The following TACC2 variants were observed in gnomAD, a reference collection of about 807,000 sequenced individuals.
TACC2 encodes transforming acidic coiled-coil containing protein 2.
Under a neutral mutation model 227.3 loss-of-function variants are expected in TACC2, and 137 were observed. The observed-to-expected ratio is 0.60, with a 90% confidence interval of 0.52 to 0.69. The LOEUF is 0.69. Ranked by LOEUF, TACC2 falls within the 30% of genes least tolerant of loss-of-function variation. The pLI is 0.00. For missense variants in TACC2, 3,470 were observed against 3,694.4 expected (o/e 0.94, Z 1.57); for synonymous variants, 1,523 against 1,487.5 (o/e 1.02, Z -0.55).
At chr10:122,236,263 T>G (rs2095854996) in intron 16 of TACC2, among the ~76,000 whole-genome samples, 1 of 152,146 alleles carries the variant, frequency 6.6e-6, no homozygotes, top group Non-Finnish European at 1.5e-5. Flanking sequence ...TCATTATTCT[T>G]TCCCCAAATC....
intron 10 of TACC2, among the ~76,000 whole-genome samples, chr10:122,215,779 A>AT (rs1307384746): frequency 6.6e-6 from 1 of 152,230 alleles, no homozygotes; most frequent in Non-Finnish European, 1.5e-5. Flanking sequence ...AGATGAACAA[A>AT]TATGCAGTGA....
At position 122,194,465 on chromosome 10, in the gene TACC2, TTCACCCAC is replaced by T. The variant is rs1028654556; in HGVS notation, c.5835-571_5835-564del. 1.6e-4 allele frequency among the ~76,000 whole-genome samples: 24 copies of T among 152,316 alleles called. No homozygotes were observed. Among genetic ancestry groups the T allele is most frequent in the African/African-American group, 5.3e-4 (22 of 41,580 alleles). On this transcript the variant is annotated intron_variant, in intron 7 of 22. Coordinates refer to ENST00000369005, the MANE Select transcript of TACC2 (RefSeq NM_206862.4). The surrounding 1 kb of genome is among the most constrained non-coding windows in gnomAD (Gnocchi z 4.4). ...TTGCTGGCTTCCTTCGTTCACTCCA[TTCACCCAC>T]TCAACACATGTTCATTCCCGGCCCT... is the stretch of plus-strand genomic sequence containing the variant.
In TACC2 at chr10:122,241,323, G is replaced by A. The variant is rs1270681080; in HGVS notation, c.8349-635G>A. 2.6e-5 allele frequency among the ~76,000 whole-genome samples: 4 copies of A among 152,128 alleles called. No homozygotes were observed. The East Asian group carries it at 7.7e-4, about 29-fold the overall frequency. On this transcript the variant is annotated intron_variant, in intron 18 of 22. Transcript: ENST00000369005. ...TAAATTTTTTTAGAGATGGAATCTC[G>A]CTCTGTTGCCCACGCTGGAGTACAG... is the stretch of plus-strand genomic sequence containing the variant.
Position 122,050,932 on chromosome 10 carries a change from C to T in TACC2, c.146+382C>T, listed in dbSNP as rs138077810. ...TGTGGTGGCCATTGCGGGCACTGGA[C>T]CATGAAACAGAGGACTGAGAACACA... On this transcript the variant is annotated intron_variant, in intron 3 of 22. Coordinates refer to ENST00000369005, the MANE Select transcript of TACC2 (RefSeq NM_206862.4). The surrounding 1 kb of genome is among the most constrained non-coding windows in gnomAD (Gnocchi z 4.6). 3,057 of 183,242 alleles carry T rather than the reference C, an allele frequency of 0.017. 33 individuals are homozygous for T. Among genetic ancestry groups the T allele is most frequent in the African/African-American group, 0.028 (1,187 of 42,352 alleles). 11.4% of individuals were successfully genotyped at this position (183,242 alleles called of 1,614,324 possible).
At position 122,210,158 on chromosome 10, in the gene TACC2, C is replaced by T. The variant is rs373111636; in HGVS notation, c.5972-239C>T. The T allele has an allele frequency of 1.1e-4, 66 of 577,222 alleles. No individual in the cohort carries two copies. In the African/African-American group the frequency reaches 1.2e-3, roughly 10 times the overall value. The allele number at this position is 577,222 out of a possible 1,614,324, so 35.8% of individuals were successfully genotyped here. On this transcript the variant is annotated intron_variant, in intron 8 of 22. Transcript: ENST00000369005. This position sits in a 1 kb window ranked among gnomAD's most constrained non-coding sequence, Gnocchi z 4.6. ...TGAATACTCTGAGCTGTTCTTTAAT[C>T]GGTCCTCATGATCCTCATTGTACAG...
chr10:122,052,162 G>A (rs574830478), intron 3 of TACC2: 8 of 152,256 alleles, frequency 5.3e-5, no homozygotes, highest in African/African-American at 1.9e-4. Context: ...ACTAGTGAAT[G>A]CATTTGTCTT....
intron 8 of TACC2, among the ~76,000 whole-genome samples, chr10:122,203,090 T>C (rs2094933250): frequency 6.6e-6 from 1 of 152,208 alleles, no homozygotes; most frequent in South Asian, 2.1e-4. Flanking sequence ...CCATCCGATT[T>C]CTCAATCTTT....
At chr10:122,191,205 A>G (rs530693580) in intron 7 of TACC2, among the ~76,000 whole-genome samples, 1 of 151,804 alleles carries the variant, frequency 6.6e-6, no homozygotes, top group South Asian at 2.1e-4. Context: ...GCAGTCTCAA[A>G]CTCCTGGACG....
intron 1 of TACC2, among the ~76,000 whole-genome samples, chr10:122,007,646 G>T (rs1303380441): frequency 1.3e-5 from 2 of 152,168 alleles, no homozygotes; most frequent in African/African-American, 4.8e-5. Flanking sequence ...TTAGGGTGAA[G>T]TTCAAGAACG....
intron 1 of TACC2, among the ~76,000 whole-genome samples, chr10:122,015,227 C>T (rs942094410): frequency 8.6e-5 from 13 of 152,014 alleles, no homozygotes; most frequent in East Asian, 1.9e-4. Flanking sequence ...AATGTTGGCC[C>T]GGCACGGTGG....
intron 2 of TACC2, 163 bp downstream of exon 2, chr10:122,022,177 T>A: frequency 1.6e-6 from 1 of 628,378 alleles, no homozygotes. Context: ...ATTTTTCATT[T>A]CATTGGAATT....
chr10:122,095,370 G>T (rs1206979691), intron 5 of TACC2, among the ~76,000 whole-genome samples: 1 of 152,170 alleles, frequency 6.6e-6, no homozygotes, highest in African/African-American at 2.4e-5. Context: ...GTAAAATGGA[G>T]CAAATAGTAC....
At chr10:121,990,162 G>A (rs184282649) in intron 1 of TACC2, among the ~76,000 whole-genome samples, 1 of 151,966 alleles carries the variant, frequency 6.6e-6, no homozygotes, top group African/African-American at 2.4e-5. Context: ...CCAGGCTGGA[G>A]TGCAGTGGCA....
chr10:122,050,528 C>G lies in TACC2; in HGVS notation c.124C>G (p.Pro42Ala). The change falls in exon 3 of 23, where the codon CCT (proline) becomes GCT (alanine). Residue 42 changes from proline to alanine, a missense_variant. By Grantham distance (27) the Pro-to-Ala change is conservative. Coordinates refer to ENST00000369005, the MANE Select transcript of TACC2 (RefSeq NM_206862.4). This position sits in a 1 kb window ranked among gnomAD's most constrained non-coding sequence, Gnocchi z 4.6. The stretch of plus-strand genomic sequence containing the variant: ...GAAGCAGCAGGACACGCCCGGAAGC[C>G]CTGACCACAGAGACGCGTCCAGGTA... ...KRKQQDTPGS[P>A]DHRDASSIGS... is the part of the protein sequence containing the mutation. The G allele has an allele frequency of 6.2e-7, 1 of 1,613,994 alleles. No individual in the cohort carries two copies. Among genetic ancestry groups the G allele is most frequent in the Non-Finnish European group, 8.5e-7 (1 of 1,179,996 alleles).
chr10:122,210,208 G>A lies in TACC2; in HGVS notation c.5972-189G>A, dbSNP rs878930419. ...GATGAGGGAACTCTGGGCGAACCTG[G>A]CCTGGGTCTTGAGCTAATTACGGGT... On this transcript the variant is annotated intron_variant, in intron 8 of 22. Transcript: ENST00000369005. This position sits in a 1 kb window ranked among gnomAD's most constrained non-coding sequence, Gnocchi z 4.6. 1.1e-4 allele frequency: 71 copies of A among 619,446 alleles called. No homozygotes were observed. In the East Asian group the frequency reaches 1.8e-3, roughly 16 times the overall value. 38.4% of individuals were successfully genotyped at this position (619,446 alleles called of 1,614,324 possible). A position where few individuals can be genotyped will look rare whatever the true frequency, so the allele number is the denominator to read the frequency against.
At chr10:122,147,448 T>G (rs533430147) in intron 7 of TACC2, among the ~76,000 whole-genome samples, 5 of 152,232 alleles carry the variant, frequency 3.3e-5, no homozygotes, top group African/African-American at 1.2e-4. Context: ...CCCCGCCAAG[T>G]TCCTTTTTTT....
rs1195859013 is a variant in TACC2, at chr10:122,205,387, CAG to C, written c.5972-5007_5972-5006del. On this transcript the variant is annotated intron_variant, in intron 8 of 22. Transcript: ENST00000369005. This position sits in a 1 kb window ranked among gnomAD's most constrained non-coding sequence, Gnocchi z 4.5. ...TTGAGCTGTCTGTTTTGGACCACAT[CAG>C]AGGAGGGTGGGCACCAAAGGACAGC... Among the ~76,000 whole-genome samples the C allele has an allele frequency of 6.6e-6, 1 of 152,318 alleles. No homozygotes were observed. Among genetic ancestry groups the C allele is most frequent in the Non-Finnish European group, 1.5e-5 (1 of 68,030 alleles).
Position 122,037,019 on chromosome 10 carries a change from G to A in TACC2, c.34-13419G>A, listed in dbSNP as rs546969901. ...GTAGGTGTGAAGTAGTGTCATTGTG[G>A]TCGGGGCTATTTTTGATGAAGTGCA... is the stretch of plus-strand genomic sequence containing the variant. On this transcript the variant is annotated intron_variant, in intron 2 of 22. Transcript: ENST00000369005. Among the ~76,000 whole-genome samples the A allele has an allele frequency of 3.3e-5, 5 of 152,244 alleles. No homozygotes were observed. In the South Asian group the frequency reaches 1.0e-3, roughly 32 times the overall value.
chr10:122,184,291 C>T (rs1448286994), intron 7 of TACC2, among the ~76,000 whole-genome samples: 1 of 152,124 alleles, frequency 6.6e-6, no homozygotes, highest in Non-Finnish European at 1.5e-5. Context: ...CGAGGCACCC[C>T]TGATAATACA....
Sources: gnomAD v4.1 joint callset for allele counts (sites outside exome capture counted in the v4.1 genomes callset) on GRCh38, gnomAD v4.1.1 for gene constraint, Gnocchi (gnomAD v3.1) non-coding constraint, MANE v1.5 for transcripts, NCBI Gene and HGNC (gene_info 2026-07-23, HGNC 2026-07-21) for gene names.